The following SHOC2 variants were observed in gnomAD, a reference collection of about 807,000 sequenced individuals.
The protein encoded by SHOC2 is SHOC2 leucine rich repeat scaffold protein.
A neutral mutation model predicts 50.2 loss-of-function variants in SHOC2; 4 were observed. The ratio of observed to expected loss-of-function variants is 0.08; its 90% CI spans 0.04 to 0.18. SHOC2 has a LOEUF of 0.18. Among genes scored for constraint, SHOC2 ranks in the 10% least tolerant of loss-of-function variants. The pLI, the probability that SHOC2 is intolerant of heterozygous loss-of-function variation, is 1.00. For synonymous variants in SHOC2, 218 were observed against 244.5 expected (o/e 0.89, Z 1.01); for missense variants, 388 against 669.6 (o/e 0.58, Z 4.64).
chr10:110,981,266 T>C (rs1287866891), intron 2 of SHOC2, among the ~76,000 whole-genome samples: 1 of 152,224 alleles, frequency 6.6e-6, no homozygotes, highest in East Asian at 1.9e-4. Context: ...AAACATTTAG[T>C]ATATTGTAGT....
chr10:111,007,770 G>C (rs1441308834), intron 6 of SHOC2, 117 bp downstream of exon 6: 10 of 1,048,422 alleles, frequency 9.5e-6, no homozygotes, highest in Non-Finnish European at 1.5e-5. Flanking sequence ...AGAAATGTTA[G>C]AACTCACTTA....
intron 3 of SHOC2, among the ~76,000 whole-genome samples, chr10:110,991,552 C>T (rs1366679785): frequency 6.6e-6 from 1 of 152,100 alleles, no homozygotes; most frequent in Non-Finnish European, 1.5e-5. Context: ...GAGTAAATGG[C>T]AAAGTAAATT....
chr10:111,007,478 T>G (rs1259703921), intron 5 of SHOC2, 53 bp from the exon 6 acceptor site: 9 of 1,601,514 alleles, frequency 5.6e-6, no homozygotes, highest in Admixed American at 5.0e-5. Context: ...CAGGTATATA[T>G]AGAACTTTGT....
intron 1 of SHOC2, among the ~76,000 whole-genome samples, chr10:110,931,309 C>G (rs757639310): frequency 5.9e-5 from 9 of 152,180 alleles, no homozygotes; most frequent in Non-Finnish European, 1.2e-4. Context: ...CTCAGGTTCA[C>G]TTGTGCTGCT....
chr10:110,968,076 TC>T (rs1847711515), intron 2 of SHOC2, among the ~76,000 whole-genome samples: 1 of 152,208 alleles, frequency 6.6e-6, no homozygotes, highest in Non-Finnish European at 1.5e-5. Context: ...TATTTTACAT[TC>T]CTACCAGCAG....
intron 7 of SHOC2, 152 bp from the exon 8 acceptor site, chr10:111,009,561 T>C: frequency 1.2e-6 from 1 of 802,478 alleles, no homozygotes. Context: ...AATGGTATTT[T>C]GTGAAAGAAA....
At chr10:110,973,337 G>A (rs961580832) in intron 2 of SHOC2, among the ~76,000 whole-genome samples, 3 of 152,018 alleles carry the variant, frequency 2.0e-5, no homozygotes, top group Admixed American at 6.6e-5. Context: ...GTTTATAACC[G>A]TGAAACAAAC....
intron 1 of SHOC2, among the ~76,000 whole-genome samples, chr10:110,928,623 C>T (rs1846824215): frequency 6.6e-6 from 1 of 152,090 alleles, no homozygotes; most frequent in Admixed American, 6.5e-5. Context: ...ATGGCAGGCA[C>T]AGTAGCTTAT....
At chr10:110,993,638 A>G (rs1848221506) in intron 3 of SHOC2, among the ~76,000 whole-genome samples, 1 of 152,178 alleles carries the variant, frequency 6.6e-6, no homozygotes, top group Admixed American at 6.5e-5. Flanking sequence ...TTTTGGTACT[A>G]GATAATGTCA....
chr10:110,979,659 T>C (rs1847937500), intron 2 of SHOC2, among the ~76,000 whole-genome samples: 2 of 152,198 alleles, frequency 1.3e-5, no homozygotes, highest in South Asian at 4.1e-4. Context: ...AATCCAGCTT[T>C]CTCTTAGGAC....
At chr10:110,926,472 A>G (rs1019045567) in intron 1 of SHOC2, among the ~76,000 whole-genome samples, 3 of 152,226 alleles carry the variant, frequency 2.0e-5, no homozygotes, top group African/African-American at 7.2e-5. Context: ...CACGTAGTGC[A>G]CAATTTTTAA....
At chr10:110,986,458 T>G (rs763581793) in intron 3 of SHOC2, among the ~76,000 whole-genome samples, 58 of 152,100 alleles carry the variant, frequency 3.8e-4, no homozygotes, top group Non-Finnish European at 7.5e-4. Flanking sequence ...TCATGAATAT[T>G]TAGTATTTTA....
At chr10:110,956,867 CAG>C (rs1218942587) in intron 1 of SHOC2, among the ~76,000 whole-genome samples, 1 of 151,528 alleles carries the variant, frequency 6.6e-6, no homozygotes, top group African/African-American at 2.4e-5. Flanking sequence ...AATATATTGC[CAG>C]TGAAATATCT....
chr10:111,009,060 C>T lies in SHOC2; in HGVS notation c.1285-188C>T, dbSNP rs116924648. Among the ~76,000 whole-genome samples the T allele has an allele frequency of 0.025, 3,757 of 152,098 alleles. 66 individuals are homozygous for T. Among genetic ancestry groups the T allele is most frequent in the Non-Finnish European group, 0.038 (2,596 of 67,912 alleles). ...GTTTTGATATAATCAAATAAAATCT[C>T]TTTTCTAATAACTATGGTGTTTTTT... On this transcript the variant is annotated intron_variant, in intron 6 of 8. Coordinates refer to ENST00000369452, the MANE Select transcript of SHOC2 (RefSeq NM_007373.4).
intron 2 of SHOC2, among the ~76,000 whole-genome samples, chr10:110,976,618 G>A (rs755037111): frequency 3.3e-5 from 5 of 152,072 alleles, no homozygotes; most frequent in Non-Finnish European, 7.4e-5. Context: ...TGCTGCCTTC[G>A]TTTTTGAAAG....
At chr10:110,920,631 AAAG>A (rs1207557326) in intron 1 of SHOC2, among the ~76,000 whole-genome samples, 1 of 152,234 alleles carries the variant, frequency 6.6e-6, no homozygotes, top group Non-Finnish European at 1.5e-5. Flanking sequence ...CGGGAGCTAG[AAAG>A]AAGATGCTTT....
chr10:110,964,492 C>A lies in SHOC2; in HGVS notation c.134C>A (p.Thr45Asn). Residue 45 changes from threonine (T) to asparagine (N), a missense_variant, in exon 2 of 9, where the codon ACC becomes AAC. Thr to Asn is a moderately conservative substitution (Grantham distance 65). Around this residue, in one of 5 missense-constraint regions of SHOC2, gnomAD observed 121 missense variants for 145.5 expected, o/e 0.83. Coordinates refer to ENST00000369452, the MANE Select transcript of SHOC2 (RefSeq NM_007373.4). This position sits in a 1 kb window ranked among gnomAD's most constrained non-coding sequence, Gnocchi z 4.9. ...GKESKEKEPK[T>N]KGKDAKDGKK... ...GAGAGCAAAGAAAAAGAACCTAAGA[C>A]CAAAGGGAAAGATGCCAAAGATGGA... 1.9e-6 allele frequency: 3 copies of A among 1,613,878 alleles called. No individual in the cohort carries two copies. Among genetic ancestry groups the A allele is most frequent in the Non-Finnish European group, 2.5e-6 (3 of 1,179,942 alleles).
intron 1 of SHOC2, among the ~76,000 whole-genome samples, chr10:110,955,599 C>T (rs766823598): frequency 5.9e-5 from 9 of 152,008 alleles, no homozygotes; most frequent in South Asian, 2.1e-4. Context: ...TTCATACTTG[C>T]GGTATCACGT....
chr10:110,931,039 G>T (rs1223777607), intron 1 of SHOC2, among the ~76,000 whole-genome samples: 3 of 152,020 alleles, frequency 2.0e-5, no homozygotes, highest in African/African-American at 7.2e-5. Context: ...TAAATTACAC[G>T]TAAAGTCTTT....
Sources: allele counts gnomAD v4.1 joint callset (sites outside exome capture counted in the v4.1 genomes callset), GRCh38; gene constraint gnomAD v4.1.1; regional missense constraint gnomAD v4.1.1; non-coding constraint Gnocchi (gnomAD v3.1); transcripts MANE v1.5; gene names NCBI Gene and HGNC (gene_info 2026-07-23, HGNC 2026-07-21).